The following LRRC39 variants were observed in gnomAD, a reference collection of about 807,000 sequenced individuals.
LRRC39 encodes the protein leucine rich repeat containing 39.
LRRC39 carries 35 observed loss-of-function variants against 39.7 expected under a neutral mutation model. The observed-to-expected ratio is 0.88, with a 90% CI of 0.67 to 1.17. The LOEUF is 1.17. Ranked by LOEUF, LRRC39 falls within the 50% of genes most tolerant of loss-of-function variation. LRRC39 has a pLI of 0.00. For missense variants in LRRC39, 357 were observed against 385.8 expected, an observed-to-expected ratio of 0.93 and a Z score of 0.62; for synonymous variants, 113 against 134.1, an observed-to-expected ratio of 0.84 and a Z score of 1.09.
At chr1:100,161,262 C>T (rs1269160979) in intron 3 of LRRC39, among the ~76,000 whole-genome samples, 1 of 152,196 alleles carries the variant, frequency 6.6e-6, no homozygotes, top group Non-Finnish European at 1.5e-5. Flanking sequence ...CTCCATTCTT[C>T]CCTCTCATAC....
intron 8 of LRRC39, 33 bp downstream of exon 8, chr1:100,155,018 A>G (rs1658353599): frequency 6.6e-7 from 1 of 1,521,378 alleles, no homozygotes; most frequent in Non-Finnish European, 8.8e-7. Flanking sequence ...AAAGAAAGCA[A>G]GGTTTTTCAG....
rs183539782 is a variant in LRRC39, at chr1:100,162,491, T to C, written c.114-1920A>G. ...CCATCTCTACTAAACATACAAAAAT[T>C]AGCTGGGTGTGGTGATGCGTGCCTG... On this transcript the variant is annotated intron_variant, in intron 3 of 9. Transcript: ENST00000370137. Among the ~76,000 whole-genome samples the C allele has an allele frequency of 8.4e-4, 127 of 151,986 alleles. 1 individual carries two copies. The highest frequency in any genetic ancestry group is 3.0e-3 in the African/African-American group (124 of 41,456).
At chr1:100,168,227 C>T (rs1217500805) in intron 3 of LRRC39, among the ~76,000 whole-genome samples, 177 bp downstream of exon 3, 1 of 152,092 alleles carries the variant, frequency 6.6e-6, no homozygotes, top group East Asian at 1.9e-4. Flanking sequence ...TTTTTTGTGA[C>T]TCCTATCGCA....
rs375861468 is a variant in LRRC39, at chr1:100,149,118, C to G, written c.953-21G>C. On this transcript the variant is annotated intron_variant, in intron 9 of 9. Transcript: ENST00000370137. ...GTGATCTGAAACATACATAACATGT[C>G]AACACATAATTAGCGTATTTCTGTT... 1.7e-5 allele frequency: 27 copies of G among 1,585,964 alleles called. No individual in the cohort carries two copies. In the African/African-American group the frequency reaches 3.1e-4, roughly 18 times the overall value.
At chr1:100,153,749 TTTTG>T (rs1410525041) in intron 8 of LRRC39, among the ~76,000 whole-genome samples, 21 of 151,938 alleles carry the variant, frequency 1.4e-4, no homozygotes, top group Admixed American at 2.0e-4. Flanking sequence ...TCTAGTGGCT[TTTTG>T]TTTGTTTGTT....
intron 9 of LRRC39, among the ~76,000 whole-genome samples, chr1:100,151,321 G>A (rs890921047): frequency 4.6e-5 from 7 of 151,756 alleles, no homozygotes; most frequent in Non-Finnish European, 8.8e-5. Flanking sequence ...TACCAATTCT[G>A]TCTCCTAATT....
At chr1:100,150,795 A>G (rs1284738192) in intron 9 of LRRC39, among the ~76,000 whole-genome samples, 1 of 152,148 alleles carries the variant, frequency 6.6e-6, no homozygotes, top group Non-Finnish European at 1.5e-5. Context: ...ATTCACCTGC[A>G]CAATTACCAC....
At chr1:100,159,197 TTAA>T in intron 5 of LRRC39, 59 bp downstream of exon 5, 13 of 1,439,686 alleles carry the variant, frequency 9.0e-6, no homozygotes, top group Non-Finnish European at 1.2e-5. Flanking sequence ...CAAAAAAATC[TTAA>T]TAAAAAGCAC....
intron 3 of LRRC39, 84 bp downstream of exon 3, chr1:100,168,320 A>G (rs1659385032): frequency 1.0e-6 from 1 of 963,464 alleles, no homozygotes; most frequent in South Asian, 1.7e-5. Flanking sequence ...AAATTCAATA[A>G]CAAGGCATTT....
rs188270125 is a variant in LRRC39, at chr1:100,176,171, G to A, written c.-119+1964C>T. 6.8e-3 allele frequency among the ~76,000 whole-genome samples: 1,035 copies of A among 152,290 alleles called. 8 individuals carry two copies. The highest frequency in any genetic ancestry group is 0.011 in the Non-Finnish European group (768 of 68,022). On this transcript the variant is annotated intron_variant, in intron 1 of 9. Coordinates refer to ENST00000370137, the MANE Select transcript of LRRC39 (RefSeq NM_144620.4). ...GCAATAGCTGGACATGGTGGCTCAC[G>A]CCTGTAATCCCAGCAGTTTGGGAGG...
chr1:100,151,498 T>C (rs1658013651), intron 9 of LRRC39, among the ~76,000 whole-genome samples: 1 of 152,208 alleles, frequency 6.6e-6, no homozygotes, highest in Non-Finnish European at 1.5e-5. Context: ...TTATTTCCTT[T>C]AGCTGAAAAA....
chr1:100,156,461 TTAAAAA>T (rs1397259850), intron 6 of LRRC39, 144 bp from the exon 7 acceptor site: 1 of 691,958 alleles, frequency 1.4e-6, no homozygotes, highest in Non-Finnish European at 2.1e-6. Flanking sequence ...CCGCAACAAA[TTAAAAA>T]TAAATATAAA....
rs751068330 is a variant in LRRC39 at position 100,148,654 on chromosome 1, T to C, written c.*388A>G. Reference sequence around the variant, plus strand: ...CTTAGTGTTGAAGAAAAGAAGAAAATAGGGCATCTTTGTAAATTGCTGATT... The same window carrying C: ...CTTAGTGTTGAAGAAAAGAAGAAAACAGGGCATCTTTGTAAATTGCTGATT... On this transcript the variant is annotated 3_prime_UTR_variant, in exon 10 of 10. Transcript: ENST00000370137. 2.2e-5 allele frequency: 35 copies of C among 1,610,438 alleles called. No homozygotes were observed. In the Middle Eastern group the frequency reaches 6.6e-4, roughly 30 times the overall value.
At chr1:100,165,992 A>G (rs558948895) in intron 3 of LRRC39, among the ~76,000 whole-genome samples, 2 of 150,220 alleles carry the variant, frequency 1.3e-5, no homozygotes, top group African/African-American at 4.9e-5. Flanking sequence ...CTCCTGCCTC[A>G]GGCTCCCATG....
At chr1:100,165,639 C>T (rs376345231) in intron 3 of LRRC39, among the ~76,000 whole-genome samples, 2 of 152,138 alleles carry the variant, frequency 1.3e-5, no homozygotes, top group East Asian at 1.9e-4. Flanking sequence ...CCCCCACCCT[C>T]GTTTACTGGA....
chr1:100,161,218 CAT>C (rs66615807), intron 3 of LRRC39, among the ~76,000 whole-genome samples: 5,451 of 152,246 alleles, frequency 0.036, 111 homozygotes, highest in Middle Eastern at 0.044. Flanking sequence ...TTTTATCACT[CAT>C]AAAGGAAACT....
intron 9 of LRRC39, among the ~76,000 whole-genome samples, chr1:100,151,688 CT>C (rs1304104280): frequency 3.9e-5 from 6 of 152,164 alleles, no homozygotes; most frequent in South Asian, 2.1e-4. Context: ...TCCTCTTCCC[CT>C]GATCTTGGTT....
chr1:100,169,121 G>A (rs1487231797), intron 2 of LRRC39, among the ~76,000 whole-genome samples: 1 of 151,916 alleles, frequency 6.6e-6, no homozygotes, highest in African/African-American at 2.4e-5. Flanking sequence ...CTCAATAATA[G>A]GAAAATGGTT....
At chr1:100,172,569 T>C (rs1659694362) in intron 2 of LRRC39, among the ~76,000 whole-genome samples, 1 of 151,734 alleles carries the variant, frequency 6.6e-6, no homozygotes, top group Admixed American at 6.6e-5. Flanking sequence ...ATGCCTGTAA[T>C]CCTAGCACTT....
Sources: allele counts gnomAD v4.1 joint callset (sites outside exome capture counted in the v4.1 genomes callset), GRCh38; gene constraint gnomAD v4.1.1; transcripts MANE v1.5; gene names NCBI Gene and HGNC (gene_info 2026-07-23, HGNC 2026-07-21).